ANO3: variants seen among roughly 807,000 people sequenced by gnomAD.
The protein encoded by ANO3 is anoctamin-3.
ANO3 carries 99 observed loss-of-function variants against 144.8 expected under a neutral mutation model. That is an observed-to-expected ratio of 0.68 (90% CI 0.58 to 0.81). ANO3 has a LOEUF of 0.81. ANO3 is among the 30% of genes least tolerant of loss of function. The probability of loss-of-function intolerance (pLI) is 0.00; values close to 1 mark genes in which losing one functional copy is unlikely to be tolerated. For missense variants in ANO3, 905 were observed against 1,202.2 expected (o/e 0.75, Z 3.66); for synonymous variants, 414 against 392.6 (o/e 1.05, Z -0.64).
At chr11:26,447,290 A>G (rs1191366499) in intron 3 of ANO3, among the ~76,000 whole-genome samples, 5 of 149,860 alleles carry the variant, frequency 3.3e-5, no homozygotes, top group Non-Finnish European at 7.4e-5. Flanking sequence ...AATTTACTGG[A>G]CTCCTTATTA....
intron 1 of ANO3, among the ~76,000 whole-genome samples, chr11:26,362,409 T>C (rs1855951396): frequency 1.3e-5 from 2 of 152,176 alleles, no homozygotes; most frequent in Non-Finnish European, 2.9e-5. Context: ...AAAACAGATA[T>C]ACATGACCCT....
chr11:26,194,439 G>GGTGTGTGTGTGTGTGTGTAT (rs1851539129), intron 1 of ANO3, among the ~76,000 whole-genome samples: 2 of 60,582 alleles, frequency 3.3e-5, no homozygotes, highest in African/African-American at 6.8e-5. Flanking sequence ...GGTACATAGT[G>GGTGTGTGTGTGTGTGTGTAT]GTGTGTGTGT....
chr11:26,512,286 T>A (rs1313150901), intron 5 of ANO3, among the ~76,000 whole-genome samples: 1 of 152,206 alleles, frequency 6.6e-6, no homozygotes, highest in Non-Finnish European at 1.5e-5. Flanking sequence ...AGAGTGAATC[T>A]CCTTTCTCTT....
intron 18 of ANO3, 104 bp from the exon 19 acceptor site, chr11:26,634,094 AAAAATT>A: frequency 1.9e-6 from 1 of 517,496 alleles, no homozygotes; most frequent in Non-Finnish European, 3.4e-6. Flanking sequence ...AAAAAAAAAA[AAAAATT>A]AAATTAAAAA....
rs544666420 is a variant in ANO3, at chr11:26,404,082, T to C, written c.47-37836T>C. Among the ~76,000 whole-genome samples, 3 of 152,004 alleles carry C rather than the reference T, an allele frequency of 2.0e-5. No individual in the cohort carries two copies. In the East Asian group the frequency reaches 5.9e-4, roughly 30 times the overall value. On this transcript the variant is annotated intron_variant, in intron 1 of 26. Transcript: ENST00000256737. The stretch of plus-strand genomic sequence containing the variant: ...CATTGCATGCATTTATTGACAGTTT[T>C]TTTCCATTTGTATGTGAACTACATG...
At chr11:26,303,172 C>G (rs1362493654) in intron 1 of ANO3, among the ~76,000 whole-genome samples, 1 of 152,192 alleles carries the variant, frequency 6.6e-6, no homozygotes, top group Non-Finnish European at 1.5e-5. Flanking sequence ...CACCATTTGA[C>G]CCAGCTATCC....
chr11:26,414,177 T>C (rs774472793), intron 1 of ANO3, among the ~76,000 whole-genome samples: 2 of 152,134 alleles, frequency 1.3e-5, no homozygotes, highest in East Asian at 1.9e-4. Context: ...TGGACGATGG[T>C]GTGGCGATTT....
chr11:26,225,350 G>A (rs1477574557), intron 1 of ANO3, among the ~76,000 whole-genome samples: 1 of 152,060 alleles, frequency 6.6e-6, no homozygotes, highest in Non-Finnish European at 1.5e-5. Flanking sequence ...TATTTAGAGT[G>A]AGACAAGTAA....
At chr11:26,279,120 C>G (rs1191008356) in intron 1 of ANO3, among the ~76,000 whole-genome samples, 1 of 152,042 alleles carries the variant, frequency 6.6e-6, no homozygotes, top group African/African-American at 2.4e-5. Flanking sequence ...CTCCAATAAT[C>G]CAGGAGAGAG....
intron 1 of ANO3, among the ~76,000 whole-genome samples, chr11:26,319,864 T>C (rs1403248827): frequency 6.6e-6 from 1 of 152,126 alleles, no homozygotes; most frequent in Non-Finnish European, 1.5e-5. Flanking sequence ...TTTTTATCAA[T>C]GTACAATCAA....
chr11:26,463,009 C>CCA, intron 3 of ANO3, 21 bp from the exon 4 acceptor site: 1 of 1,265,930 alleles, frequency 7.9e-7, no homozygotes, highest in Non-Finnish European at 1.1e-6. Flanking sequence ...ATGGATATAA[C>CCA]TTTCTCTTTC....
At chr11:26,499,008 T>C (rs11029585) in intron 4 of ANO3, among the ~76,000 whole-genome samples, 8,846 of 151,994 alleles carry the variant, frequency 0.058, 511 homozygotes, top group African/African-American at 0.15. Context: ...CATTAACTGT[T>C]TGACCACAAT....
At chr11:26,399,769 G>T (rs1028430711) in intron 1 of ANO3, among the ~76,000 whole-genome samples, 1 of 151,800 alleles carries the variant, frequency 6.6e-6, no homozygotes, top group Admixed American at 6.6e-5. Flanking sequence ...CATTTTAAAT[G>T]AGTTTAACCT....
At chr11:26,256,774 G>A (rs956408811) in intron 1 of ANO3, among the ~76,000 whole-genome samples, 3 of 151,784 alleles carry the variant, frequency 2.0e-5, no homozygotes, top group African/African-American at 7.3e-5. Flanking sequence ...ACTTTTACAG[G>A]GTAAATTTAA....
At chr11:26,484,493 G>A (rs996347585) in intron 4 of ANO3, among the ~76,000 whole-genome samples, 4 of 152,156 alleles carry the variant, frequency 2.6e-5, no homozygotes, top group Non-Finnish European at 1.5e-5. Flanking sequence ...TGAGGCTTAT[G>A]AGCCTCCACC....
chr11:26,289,690 T>G (rs1257050042), intron 1 of ANO3, among the ~76,000 whole-genome samples: 3 of 105,636 alleles, frequency 2.8e-5, no homozygotes, highest in Non-Finnish European at 4.2e-5. Flanking sequence ...CACACATATA[T>G]TCTATATGTG....
At chr11:26,370,870 G>A (rs1590301491) in intron 1 of ANO3, among the ~76,000 whole-genome samples, 2 of 152,290 alleles carry the variant, frequency 1.3e-5, no homozygotes, top group Admixed American at 1.3e-4. Context: ...AAATTTCTAA[G>A]CAGCAAATCA....
chr11:26,265,934 C>T (rs2133831398), intron 1 of ANO3, among the ~76,000 whole-genome samples: 1 of 152,264 alleles, frequency 6.6e-6, no homozygotes, highest in South Asian at 2.1e-4. Flanking sequence ...CCTTTAATTC[C>T]AACTTAGTAG....
chr11:26,327,055 C>T (rs772300225), intron 1 of ANO3, among the ~76,000 whole-genome samples: 15 of 152,116 alleles, frequency 9.9e-5, no homozygotes, highest in East Asian at 1.9e-4. Flanking sequence ...CAGACTTGTA[C>T]GTAAATTTCA....
Sources: gnomAD v4.1 joint callset for allele counts (sites outside exome capture counted in the v4.1 genomes callset) on GRCh38, gnomAD v4.1.1 for gene constraint, MANE v1.5 for transcripts, NCBI Gene and HGNC (gene_info 2026-07-23, HGNC 2026-07-21) for gene names.